Variants in ARHGAP26 observed in about 807,000 individuals in gnomAD.
ARHGAP26 encodes the protein rho GTPase-activating protein 26.
Under a neutral mutation model 104.8 loss-of-function variants are expected in ARHGAP26, and 38 were observed. The ratio of observed to expected loss-of-function variants is 0.36; its 90% CI spans 0.28 to 0.48. ARHGAP26 has a LOEUF of 0.48. Among genes scored for constraint, ARHGAP26 ranks in the 20% least tolerant of loss-of-function variants. ARHGAP26 has a pLI of 0.99. For synonymous variants in ARHGAP26, 341 were observed against 340.0 expected, an observed-to-expected ratio of 1.00 and a Z score of -0.03; for missense variants, 704 against 947.9, an observed-to-expected ratio of 0.74 and a Z score of 3.38.
chr5:142,931,843 G>C (rs1309647156), intron 10 of ARHGAP26, among the ~76,000 whole-genome samples: 1 of 152,220 alleles, frequency 6.6e-6, no homozygotes, highest in Non-Finnish European at 1.5e-5. Context: ...CTGCCTCTCT[G>C]AGGGAGATGG....
chr5:142,992,443 T>TTA lies in ARHGAP26; in HGVS notation c.1108-21636_1108-21635insAT. Reference sequence around the variant, plus strand: ...TATTTATTTTATTTTATTTTTTATTTTTTTTTTTGAGAGGGAGTCTTGCCC... The same window carrying TTA: ...TATTTATTTTATTTTATTTTTTATTTTATTTTTTTTGAGAGGGAGTCTTGCCC... On this transcript the variant is annotated intron_variant, in intron 11 of 22. Coordinates refer to ENST00000645722, the MANE Select transcript of ARHGAP26 (RefSeq NM_001135608.3). 2.0e-5 allele frequency among the ~76,000 whole-genome samples: 3 copies of TTA among 151,510 alleles called. No individual in the cohort carries two copies. In the South Asian group the frequency reaches 6.2e-4, roughly 31 times the overall value.
intron 1 of ARHGAP26, among the ~76,000 whole-genome samples, chr5:142,808,853 G>T (rs1184055444): frequency 6.6e-6 from 1 of 152,210 alleles, no homozygotes; most frequent in Non-Finnish European, 1.5e-5. Context: ...GCCACCAGAA[G>T]AGAGATGCAG....
chr5:143,131,681 C>G (rs946706096), intron 18 of ARHGAP26, among the ~76,000 whole-genome samples: 1 of 152,202 alleles, frequency 6.6e-6, no homozygotes, highest in Non-Finnish European at 1.5e-5. Context: ...CCTGGTCACT[C>G]TCCTGCTTAG....
At chr5:142,786,957 A>T (rs1436223262) in intron 1 of ARHGAP26, among the ~76,000 whole-genome samples, 1 of 152,092 alleles carries the variant, frequency 6.6e-6, no homozygotes, top group African/African-American at 2.4e-5. Context: ...GATTTCTATA[A>T]TTATAGCTAA....
At position 142,983,615 on chromosome 5, in the gene ARHGAP26, A is replaced by AT. The variant is rs932976934; in HGVS notation, c.1108-30460dup. Among the ~76,000 whole-genome samples the AT allele has an allele frequency of 2.2e-4, 33 of 152,354 alleles. 1 individual carries two copies. Among genetic ancestry groups the AT allele is most frequent in the African/African-American group, 7.9e-4 (33 of 41,578 alleles). On this transcript the variant is annotated intron_variant, in intron 11 of 22. Transcript: ENST00000645722. ...GAAAAGAGAATGCAGATTTTCACGC[A>AT]TTTTTACATCGAAAAAATAAACTAT...
At chr5:143,169,574 G>A (rs1370228994) in intron 20 of ARHGAP26, 1 of 152,214 alleles carries the variant, frequency 6.6e-6, no homozygotes, top group African/African-American at 2.4e-5. Flanking sequence ...TACAGGCTGA[G>A]CCTAATTTCT....
chr5:142,912,660 G>C (rs1403984565), intron 9 of ARHGAP26, among the ~76,000 whole-genome samples: 1 of 152,182 alleles, frequency 6.6e-6, no homozygotes, highest in African/African-American at 2.4e-5. Context: ...ATTTGACCCA[G>C]TCTCTGTTCT....
At chr5:142,798,357 C>G (rs887812934) in intron 1 of ARHGAP26, among the ~76,000 whole-genome samples, 1 of 152,306 alleles carries the variant, frequency 6.6e-6, no homozygotes. Flanking sequence ...TCCTCCGCTT[C>G]CCTTCACCTC....
intron 17 of ARHGAP26, among the ~76,000 whole-genome samples, chr5:143,084,246 TA>T (rs1306266417): frequency 1.3e-5 from 2 of 152,170 alleles, no homozygotes; most frequent in Non-Finnish European, 2.9e-5. Flanking sequence ...TTTAAAAAAT[TA>T]AAAAATAAGT....
intron 20 of ARHGAP26, among the ~76,000 whole-genome samples, chr5:143,204,249 A>C (rs576106285): frequency 1.6e-4 from 25 of 152,344 alleles, no homozygotes; most frequent in Admixed American, 1.4e-3. Context: ...GAGGCCAGGC[A>C]TGGTGGCTCA....
chr5:142,936,968 T>A lies in ARHGAP26; in HGVS notation c.1107+4843T>A, dbSNP rs1187283249. Among the ~76,000 whole-genome samples, 3 of 152,148 alleles carry A rather than the reference T, an allele frequency of 2.0e-5. No homozygotes were observed. The East Asian group carries it at 5.8e-4, about 29-fold the overall frequency. ...TAGGACTAGATGAAGAGTTTTTAGA[T>A]GCAATGCGGAAAGCATACACAACCC... On this transcript the variant is annotated intron_variant, in intron 11 of 22. Transcript: ENST00000645722.
intron 17 of ARHGAP26, among the ~76,000 whole-genome samples, chr5:143,112,768 T>C (rs1794921947): frequency 6.6e-6 from 1 of 152,238 alleles, no homozygotes; most frequent in Non-Finnish European, 1.5e-5. Flanking sequence ...GATTCATCCA[T>C]GTCATAGTAT....
chr5:143,141,654 A>G (rs1372793243), intron 19 of ARHGAP26, among the ~76,000 whole-genome samples: 1 of 152,252 alleles, frequency 6.6e-6, no homozygotes, highest in Non-Finnish European at 1.5e-5. Context: ...GAGCAAGAAT[A>G]TAAGCCGTCT....
intron 10 of ARHGAP26, among the ~76,000 whole-genome samples, chr5:142,920,299 A>C (rs988058403): frequency 6.6e-6 from 1 of 152,208 alleles, no homozygotes; most frequent in African/African-American, 2.4e-5. Context: ...TCACTCCGTC[A>C]TGCAGTGTCT....
rs1489492763 is a variant in ARHGAP26, at chr5:142,869,209, T to TTTTTC, written c.155-4187_155-4186insCTTTT. ...CTTTTCTTTTTCTTTTTCTTTTTTC[T>TTTTTC]TTTTTTTTTTTTTTTGAGACAGCGT... On this transcript the variant is annotated intron_variant, in intron 1 of 22. Transcript: ENST00000645722. 2.4e-3 allele frequency among the ~76,000 whole-genome samples: 329 copies of TTTTTC among 137,930 alleles called. 3 individuals are homozygous for TTTTTC. The highest frequency in any genetic ancestry group is 8.2e-3 in the African/African-American group (304 of 37,054). The allele number at this position is 137,930 out of a possible 152,430, so 90.5% of individuals were successfully genotyped here. A position where few individuals can be genotyped will look rare whatever the true frequency, so the allele number is the denominator to read the frequency against.
intron 1 of ARHGAP26, among the ~76,000 whole-genome samples, chr5:142,858,981 A>G (rs1015839732): frequency 6.6e-6 from 1 of 152,184 alleles, no homozygotes; most frequent in Non-Finnish European, 1.5e-5. Flanking sequence ...ATTATCTGCA[A>G]GTTGGCCAGT....
chr5:143,175,974 C>A (rs559143884), intron 20 of ARHGAP26, among the ~76,000 whole-genome samples: 4 of 152,020 alleles, frequency 2.6e-5, no homozygotes, highest in Non-Finnish European at 4.4e-5. Flanking sequence ...ATTAGCCGGG[C>A]GTGGTGGTGT....
At chr5:142,846,758 T>C (rs1772041119) in intron 1 of ARHGAP26, among the ~76,000 whole-genome samples, 1 of 152,256 alleles carries the variant, frequency 6.6e-6, no homozygotes, top group Non-Finnish European at 1.5e-5. Context: ...GTATCTTATT[T>C]GAGTAGTTTG....
intron 1 of ARHGAP26, among the ~76,000 whole-genome samples, chr5:142,855,038 G>T (rs1181747381): frequency 6.6e-6 from 1 of 152,046 alleles, no homozygotes; most frequent in African/African-American, 2.4e-5. Context: ...GTCCCTCAGA[G>T]AAAAGTCTCT....
Sources: gnomAD v4.1 joint callset for allele counts (sites outside exome capture counted in the v4.1 genomes callset) on GRCh38, gnomAD v4.1.1 for gene constraint, MANE v1.5 for transcripts, NCBI Gene and HGNC (gene_info 2026-07-23, HGNC 2026-07-21) for gene names.